The following USH2A variants were observed in gnomAD, a reference collection of about 807,000 sequenced individuals.
USH2A encodes Usher syndrome 2A (autosomal recessive, mild).
In USH2A, 443 loss-of-function variants were observed where a neutral mutation model predicts 538.9. The observed-to-expected ratio is 0.82, with a 90% confidence interval of 0.76 to 0.89. USH2A has a LOEUF of 0.89. Ranked by LOEUF, USH2A falls within the 40% of genes least tolerant of loss-of-function variation. The pLI, the probability that USH2A is intolerant of heterozygous loss-of-function variation, is 0.00. For missense variants in USH2A, 6,633 were observed against 6,324.8 expected, an observed-to-expected ratio of 1.05 and a Z score of -1.65; for synonymous variants, 2,413 against 2,273.5, an observed-to-expected ratio of 1.06 and a Z score of -1.75.
chr1:215,834,318 T>A (rs1240412675), intron 47 of USH2A, among the ~76,000 whole-genome samples: 1 of 152,160 alleles, frequency 6.6e-6, no homozygotes, highest in African/African-American at 2.4e-5. Flanking sequence ...AGAACTTTCA[T>A]ATAATGGAAT....
At chr1:216,309,636 G>A (rs987886473) in intron 9 of USH2A, among the ~76,000 whole-genome samples, 4 of 152,002 alleles carry the variant, frequency 2.6e-5, no homozygotes, top group African/African-American at 9.7e-5. Context: ...ATCTTAGTAG[G>A]AAAGATTCTG....
intron 38 of USH2A, among the ~76,000 whole-genome samples, chr1:215,916,888 G>A (rs557395299): frequency 2.0e-5 from 3 of 152,084 alleles, no homozygotes; most frequent in Non-Finnish European, 2.9e-5. Flanking sequence ...TAAGATTAAA[G>A]AATTGCTTAA....
At chr1:216,099,446 C>G (rs2032524436) in intron 21 of USH2A, among the ~76,000 whole-genome samples, 1 of 151,930 alleles carries the variant, frequency 6.6e-6, no homozygotes, top group Admixed American at 6.6e-5. Context: ...ATTGAGCCAC[C>G]CATTTGAAAC....
chr1:216,379,297 T>A (rs1169307607), intron 3 of USH2A, among the ~76,000 whole-genome samples: 1 of 152,200 alleles, frequency 6.6e-6, no homozygotes, highest in Non-Finnish European at 1.5e-5. Context: ...TGGGCTGGTT[T>A]CCTTTGCCAA....
At chr1:216,406,507 G>A (rs547505517) in intron 3 of USH2A, among the ~76,000 whole-genome samples, 1 of 152,118 alleles carries the variant, frequency 6.6e-6, no homozygotes, top group Non-Finnish European at 1.5e-5. Context: ...CAATAAAGTG[G>A]TTTTAAAAAT....
rs907481357 is a variant in USH2A, at chr1:216,150,102, C to T, written c.4627+25150G>A. ...TACGAAGTCACCCCACCACTTAGGC[C>T]GAGCCCCAAAAAACTAGTCATCCCT... is the stretch of plus-strand genomic sequence containing the variant. On this transcript the variant is annotated intron_variant, in intron 21 of 71. Transcript: ENST00000307340. 7.8e-4 allele frequency among the ~76,000 whole-genome samples: 119 copies of T among 152,148 alleles called. 1 individual carries two copies. The highest frequency in any genetic ancestry group is 1.7e-3 in the African/African-American group (70 of 41,508).
At chr1:215,645,998 T>A (rs905242496) in intron 67 of USH2A, among the ~76,000 whole-genome samples, 1 of 151,588 alleles carries the variant, frequency 6.6e-6, no homozygotes, top group African/African-American at 2.4e-5. Context: ...GGCTAAAGAG[T>A]TTTTTTAATG....
At chr1:216,072,807 G>T (rs2031599653) in intron 29 of USH2A, 82 bp downstream of exon 29, 1 of 1,325,606 alleles carries the variant, frequency 7.5e-7, no homozygotes, top group African/African-American at 1.4e-5. Flanking sequence ...CTGCTTCAGG[G>T]TAATAGTCCT....
intron 32 of USH2A, among the ~76,000 whole-genome samples, chr1:216,014,640 C>T (rs1207384801): frequency 1.3e-5 from 2 of 152,170 alleles, no homozygotes; most frequent in Non-Finnish European, 2.9e-5. Flanking sequence ...TGCTTGATTG[C>T]ATCATTTGCA....
intron 44 of USH2A, among the ~76,000 whole-genome samples, chr1:215,851,312 C>A (rs1398731393): frequency 1.3e-5 from 2 of 151,808 alleles, no homozygotes; most frequent in Non-Finnish European, 2.9e-5. Flanking sequence ...GAAGATTAAC[C>A]AAGAAAAGAA....
At chr1:216,365,582 T>C (rs17026613) in intron 3 of USH2A, among the ~76,000 whole-genome samples, 2,978 of 152,312 alleles carry the variant, frequency 0.02, 102 homozygotes, top group African/African-American at 0.068. Context: ...TTTTCAGATA[T>C]ACTTTTCCAA....
chr1:216,242,791 CAAGA>C (rs2035963633), intron 13 of USH2A, among the ~76,000 whole-genome samples: 1 of 152,044 alleles, frequency 6.6e-6, no homozygotes, highest in African/African-American at 2.4e-5. Flanking sequence ...AAACTCTTAG[CAAGA>C]AAGAAACATA....
At chr1:215,756,202 A>T (rs919714280) in intron 58 of USH2A, among the ~76,000 whole-genome samples, 2 of 152,154 alleles carry the variant, frequency 1.3e-5, no homozygotes, top group African/African-American at 4.8e-5. Flanking sequence ...CACTTCACAG[A>T]TGGAGAAAAT....
intron 47 of USH2A, among the ~76,000 whole-genome samples, chr1:215,836,330 GTGT>G (rs1455699718): frequency 6.8e-6 from 1 of 147,510 alleles, no homozygotes; most frequent in Non-Finnish European, 1.5e-5. Context: ...TCTTATTATA[GTGT>G]TTTTTACATT....
intron 52 of USH2A, among the ~76,000 whole-genome samples, chr1:215,784,908 T>G (rs1661751016): frequency 6.6e-6 from 1 of 152,182 alleles, no homozygotes; most frequent in Non-Finnish European, 1.5e-5. Context: ...AATCTTGATC[T>G]TGATTACAAG....
intron 37 of USH2A, among the ~76,000 whole-genome samples, chr1:215,963,830 T>C (rs888605342): frequency 1.3e-5 from 2 of 152,080 alleles, no homozygotes; most frequent in Non-Finnish European, 2.9e-5. Flanking sequence ...AGAGGGTCAT[T>C]ACGGATCGAC....
At chr1:216,062,481 G>C (rs1015834806) in intron 30 of USH2A, among the ~76,000 whole-genome samples, 12 of 152,164 alleles carry the variant, frequency 7.9e-5, no homozygotes, top group African/African-American at 2.9e-4. Context: ...CCAGAAATCA[G>C]AAACTGTAAT....
chr1:215,882,922 T>G (rs1260720924), intron 41 of USH2A, among the ~76,000 whole-genome samples: 1 of 152,174 alleles, frequency 6.6e-6, no homozygotes, highest in Non-Finnish European at 1.5e-5. Flanking sequence ...TTGGAAAGAT[T>G]ACCAAGTATT....
At chr1:216,400,022 C>T (rs2039279254) in intron 3 of USH2A, among the ~76,000 whole-genome samples, 1 of 152,018 alleles carries the variant, frequency 6.6e-6, no homozygotes, top group Admixed American at 6.6e-5. Flanking sequence ...AATCACTTGT[C>T]ATACTAAGAA....
Sources: gnomAD v4.1 joint callset for allele counts (sites outside exome capture counted in the v4.1 genomes callset) on GRCh38, gnomAD v4.1.1 for gene constraint, MANE v1.5 for transcripts, NCBI Gene and HGNC (gene_info 2026-07-23, HGNC 2026-07-21) for gene names.